Variants in SGCD observed in about 807,000 individuals in gnomAD.
SGCD encodes delta-sarcoglycan.
A neutral mutation model predicts 36.6 loss-of-function variants in SGCD; 18 were observed. The ratio of observed to expected loss-of-function variants is 0.49; its 90% CI spans 0.34 to 0.73. The LOEUF is 0.73. SGCD is among the 30% of genes least tolerant of loss of function. The pLI is 0.01. For synonymous variants in SGCD, 133 were observed against 130.6 expected (o/e 1.02, Z -0.12); for missense variants, 387 against 346.7 (o/e 1.12, Z -0.92).
chr5:155,795,433 T>A, the SGCD span, among the ~76,000 whole-genome samples: 2 of 152,086 alleles, frequency 1.3e-5, no homozygotes, highest in African/African-American at 4.8e-5. Flanking sequence ...GTTTTACCAC[T>A]AACAGAAAGT....
At chr5:156,357,128 C>T (rs925963304) in intron 3 of SGCD, among the ~76,000 whole-genome samples, 4 of 152,166 alleles carry the variant, frequency 2.6e-5, no homozygotes, top group Non-Finnish European at 4.4e-5. Context: ...GCAACAGTAC[C>T]GCCACCATCA....
chr5:155,790,972 AG>A, the SGCD span, among the ~76,000 whole-genome samples: 1 of 152,148 alleles, frequency 6.6e-6, no homozygotes. Context: ...AAATAGAATA[AG>A]GGTTCTGAAT....
chr5:155,747,849 C>T, the SGCD span, among the ~76,000 whole-genome samples: 1 of 152,280 alleles, frequency 6.6e-6, no homozygotes, highest in Middle Eastern at 3.4e-3. Flanking sequence ...TGACGTTTCT[C>T]AAGATTTCAC....
chr5:156,208,795 A>G (rs2127639957), intron 3 of SGCD, among the ~76,000 whole-genome samples: 1 of 152,306 alleles, frequency 6.6e-6, no homozygotes, highest in Admixed American at 6.5e-5. Context: ...AACATGGTGG[A>G]ATAGAACTTT....
intron 3 of SGCD, among the ~76,000 whole-genome samples, chr5:156,347,019 G>A (rs368608060): frequency 1.2e-4 from 18 of 152,104 alleles, no homozygotes; most frequent in South Asian, 6.2e-4. Context: ...GGATGGTCTC[G>A]ATCTCCTGAC....
chr5:155,928,676 A>AG (rs1386901288), intron 1 of SGCD, among the ~76,000 whole-genome samples: 1 of 118,858 alleles, frequency 8.4e-6, no homozygotes, highest in Non-Finnish European at 2.0e-5. Context: ...CAAAAAAAAA[A>AG]AAAAAAAAAA....
intron 1 of SGCD, among the ~76,000 whole-genome samples, chr5:156,090,082 G>A (rs1161604119): frequency 4.6e-5 from 7 of 152,130 alleles, no homozygotes; most frequent in Admixed American, 2.6e-4. Context: ...TGAGCTGTTC[G>A]ATTTGCTTTG....
intron 3 of SGCD, among the ~76,000 whole-genome samples, chr5:156,494,263 C>G (rs1756076060): frequency 6.6e-6 from 1 of 151,788 alleles, no homozygotes; most frequent in Admixed American, 6.6e-5. Flanking sequence ...TGAAGAAAGA[C>G]CCAGAAAAGA....
chr5:156,034,210 G>A (rs1385367110), intron 1 of SGCD, among the ~76,000 whole-genome samples: 1 of 152,194 alleles, frequency 6.6e-6, no homozygotes, highest in Admixed American at 6.5e-5. Flanking sequence ...ATATGCAGGT[G>A]TTTCCAGCAG....
At chr5:156,536,236 T>G (rs954783147) in intron 4 of SGCD, among the ~76,000 whole-genome samples, 1 of 152,166 alleles carries the variant, frequency 6.6e-6, no homozygotes, top group Non-Finnish European at 1.5e-5. Flanking sequence ...GTTTATATTA[T>G]CTCCTTTTAC....
chr5:156,222,037 C>T (rs951535206), intron 3 of SGCD, among the ~76,000 whole-genome samples: 3 of 151,928 alleles, frequency 2.0e-5, no homozygotes, highest in African/African-American at 4.8e-5. Flanking sequence ...CATGTTGAAA[C>T]GGTTAAGCTT....
At chr5:156,247,010 G>A (rs146969756) in intron 3 of SGCD, among the ~76,000 whole-genome samples, 2 of 152,248 alleles carry the variant, frequency 1.3e-5, no homozygotes, top group East Asian at 3.9e-4. Context: ...TTTAAGTCCT[G>A]GGGCACCAAT....
intron 3 of SGCD, among the ~76,000 whole-genome samples, chr5:156,492,473 A>T (rs1755988480): frequency 6.6e-6 from 1 of 152,212 alleles, no homozygotes; most frequent in South Asian, 2.1e-4. Context: ...AGGCAGGAAA[A>T]AATCCTCCCC....
chr5:155,847,114 G>T, the SGCD span, among the ~76,000 whole-genome samples: 1 of 152,210 alleles, frequency 6.6e-6, no homozygotes, highest in Non-Finnish European at 1.5e-5. Context: ...CCCGGGCCAT[G>T]TGTGTGCTCT....
chr5:156,731,194 T>TTCTG (rs1231415223), intron 7 of SGCD, among the ~76,000 whole-genome samples: 2 of 152,214 alleles, frequency 1.3e-5, no homozygotes, highest in African/African-American at 4.8e-5. Flanking sequence ...TGTTCTCCCA[T>TTCTG]TCTGTAGGTT....
intron 3 of SGCD, among the ~76,000 whole-genome samples, chr5:156,229,269 T>TATAC (rs1181261773): frequency 3.4e-5 from 3 of 88,542 alleles, no homozygotes; most frequent in East Asian, 3.3e-4. Context: ...TACATATATA[T>TATAC]ATACATACAT....
At chr5:155,903,479 T>C (rs1043670687) in intron 1 of SGCD, among the ~76,000 whole-genome samples, 5 of 152,152 alleles carry the variant, frequency 3.3e-5, no homozygotes, top group African/African-American at 1.2e-4. Context: ...GTAAACTCCA[T>C]TGGTTCAGCC....
intron 4 of SGCD, among the ~76,000 whole-genome samples, chr5:156,559,466 A>G (rs1481977076): frequency 6.6e-6 from 1 of 152,226 alleles, no homozygotes; most frequent in Non-Finnish European, 1.5e-5. Flanking sequence ...ATAGATGTTC[A>G]GGGTACTTCT....
chr5:156,191,346 A>G (rs1203751744), intron 3 of SGCD, among the ~76,000 whole-genome samples: 4 of 152,168 alleles, frequency 2.6e-5, no homozygotes, highest in African/African-American at 9.7e-5. Flanking sequence ...TTGATCACCA[A>G]AGGATGGATT....
Sources: gnomAD v4.1 joint callset for allele counts (sites outside exome capture counted in the v4.1 genomes callset) on GRCh38, gnomAD v4.1.1 for gene constraint, MANE v1.5 for transcripts, NCBI Gene and HGNC (gene_info 2026-07-23, HGNC 2026-07-21) for gene names.